Variants in GLIS3 observed in about 807,000 individuals in gnomAD.
GLIS3 encodes GLIS family zinc finger 3, also known as zinc finger protein GLIS3.
In GLIS3, 53 loss-of-function variants were observed where a neutral mutation model predicts 78.6. That is an observed-to-expected ratio of 0.67 (90% CI 0.54 to 0.85). The LOEUF is 0.85. GLIS3 is among the 40% of genes least tolerant of loss of function. GLIS3 has a pLI of 0.00. For missense variants in GLIS3, 1,703 were observed against 1,231.1 expected (o/e 1.38, Z -5.74); for synonymous variants, 684 against 509.9 (o/e 1.34, Z -4.60).
rs1290520159 is a variant in GLIS3 at position 3,879,512 on chromosome 9, AAGGGTGACTGAC to A, written c.2200_2211del (p.Val734_Pro737del). 6.2e-7 allele frequency: 1 copy of A among 1,613,970 alleles called. No homozygotes were observed. The highest frequency in any genetic ancestry group is 1.1e-5 in the South Asian group (1 of 91,066). On this transcript the variant is annotated inframe_deletion, in exon 8 of 11. Coordinates refer to ENST00000381971, the MANE Select transcript of GLIS3 (RefSeq NM_001042413.2). Reference sequence around the variant, plus strand: ...CTCCCCTGTACATTATGTCCTGGAGAAGGGTGACTGACAGGATGTGGGGGTGGTACGGCCCCA... The same window carrying A: ...CTCCCCTGTACATTATGTCCTGGAGAAGGATGTGGGGGTGGTACGGCCCCA...
At chr9:4,367,180 G>T in the GLIS3 span, among the ~76,000 whole-genome samples, 2 of 152,178 alleles carry the variant, frequency 1.3e-5, no homozygotes, top group Non-Finnish European at 2.9e-5. Flanking sequence ...TCATTATCAT[G>T]GCTTGTAAGC....
At chr9:4,095,636 G>A (rs694522) in intron 4 of GLIS3, among the ~76,000 whole-genome samples, 1 of 151,838 alleles carries the variant, frequency 6.6e-6, no homozygotes, top group African/African-American at 2.4e-5. Flanking sequence ...TCTTGAACAA[G>A]ACAACACTAC....
intron 2 of GLIS3, among the ~76,000 whole-genome samples, chr9:4,320,120 C>A (rs182077560): frequency 6.6e-6 from 1 of 152,182 alleles, no homozygotes; most frequent in Admixed American, 6.5e-5. Context: ...CAACATTTGA[C>A]TTCCCAATGG....
chr9:4,142,677 C>T (rs146013180), intron 2 of GLIS3, among the ~76,000 whole-genome samples: 5 of 152,252 alleles, frequency 3.3e-5, no homozygotes, highest in Middle Eastern at 3.4e-3. Flanking sequence ...CAAAAGTCAT[C>T]GGGTAATATT....
At chr9:3,864,027 G>T (rs966850952) in intron 8 of GLIS3, among the ~76,000 whole-genome samples, 1 of 152,150 alleles carries the variant, frequency 6.6e-6, no homozygotes, top group African/African-American at 2.4e-5. Flanking sequence ...TTCAGAATCT[G>T]ACATGGGGAG....
chr9:4,126,384 C>G (rs943713528), intron 2 of GLIS3, among the ~76,000 whole-genome samples: 1 of 152,144 alleles, frequency 6.6e-6, no homozygotes, highest in Non-Finnish European at 1.5e-5. Flanking sequence ...TCTGTACTTC[C>G]AAAAAGTCCC....
intron 3 of GLIS3, among the ~76,000 whole-genome samples, chr9:4,121,652 C>A (rs1564082414): frequency 6.6e-6 from 1 of 151,916 alleles, no homozygotes; most frequent in Non-Finnish European, 1.5e-5. Context: ...CACACACACA[C>A]ACACACACAC....
chr9:4,390,981 C>T, the GLIS3 span, among the ~76,000 whole-genome samples: 1 of 152,218 alleles, frequency 6.6e-6, no homozygotes, highest in Non-Finnish European at 1.5e-5. Flanking sequence ...AGTATCTCCA[C>T]AAAGGCTTGC....
At chr9:3,981,160 C>A (rs1469750947) in intron 4 of GLIS3, among the ~76,000 whole-genome samples, 2 of 152,184 alleles carry the variant, frequency 1.3e-5, no homozygotes, top group South Asian at 2.1e-4. Flanking sequence ...TTGTTAAAAC[C>A]TTAGCCCTCT....
At chr9:4,341,074 A>T (rs531139769) in intron 2 of GLIS3, among the ~76,000 whole-genome samples, 1 of 152,250 alleles carries the variant, frequency 6.6e-6, no homozygotes, top group South Asian at 2.1e-4. Flanking sequence ...TCTAATCCAA[A>T]TGATCTGTTA....
chr9:4,452,986 C>T, the GLIS3 span, among the ~76,000 whole-genome samples: 8 of 152,072 alleles, frequency 5.3e-5, no homozygotes, highest in Non-Finnish European at 1.2e-4. Flanking sequence ...TGGAACAGAA[C>T]AGAGGCCTCA....
chr9:4,006,883 A>G (rs2129978747), intron 4 of GLIS3, among the ~76,000 whole-genome samples: 1 of 152,352 alleles, frequency 6.6e-6, no homozygotes, highest in African/African-American at 2.4e-5. Flanking sequence ...GTACTCAGCA[A>G]TGCTACAAGG....
chr9:3,891,207 A>C (rs1822416612), intron 7 of GLIS3, among the ~76,000 whole-genome samples: 1 of 152,216 alleles, frequency 6.6e-6, no homozygotes. Flanking sequence ...TAAAAGCAAC[A>C]ATAGTTACAA....
At chr9:4,064,201 T>C (rs1440252475) in intron 4 of GLIS3, among the ~76,000 whole-genome samples, 1 of 152,176 alleles carries the variant, frequency 6.6e-6, no homozygotes, top group Non-Finnish European at 1.5e-5. Flanking sequence ...GGAAAAAATC[T>C]AGATTCATAC....
At chr9:4,060,730 A>T (rs921888709) in intron 4 of GLIS3, among the ~76,000 whole-genome samples, 7 of 152,228 alleles carry the variant, frequency 4.6e-5, no homozygotes, top group African/African-American at 1.7e-4. Flanking sequence ...CTCAGCTTCC[A>T]CAACTGTAAG....
chr9:4,182,973 C>T (rs1015531334), intron 2 of GLIS3, among the ~76,000 whole-genome samples: 3 of 152,170 alleles, frequency 2.0e-5, no homozygotes, highest in South Asian at 2.1e-4. Context: ...AATGACACCC[C>T]ACCGCTCACA....
intron 2 of GLIS3, among the ~76,000 whole-genome samples, chr9:4,161,717 G>A (rs972408669): frequency 1.6e-5 from 2 of 127,360 alleles, no homozygotes; most frequent in African/African-American, 6.1e-5. Context: ...TCGCTCTGTC[G>A]CCCAAGCTGG....
At chr9:4,351,668 A>C (rs918413922), upstream of GLIS3, among the ~76,000 whole-genome samples, 1 of 152,166 alleles carries the variant, frequency 6.6e-6, no homozygotes, top group Non-Finnish European at 1.5e-5. Context: ...GAAAGATTTC[A>C]TTTTTTTAAA....
intron 4 of GLIS3, among the ~76,000 whole-genome samples, chr9:4,023,441 T>A (rs986568616): frequency 6.6e-6 from 1 of 152,154 alleles, no homozygotes; most frequent in Non-Finnish European, 1.5e-5. Context: ...CAAAAAAGTG[T>A]CATCAAGGAA....
Sources: allele counts gnomAD v4.1 joint callset (sites outside exome capture counted in the v4.1 genomes callset), GRCh38; gene constraint gnomAD v4.1.1; transcripts MANE v1.5; gene names NCBI Gene and HGNC (gene_info 2026-07-23, HGNC 2026-07-21).